Variants in ITPR2 observed in about 807,000 individuals in gnomAD.
ITPR2 encodes inositol 1,4,5-trisphosphate receptor type 2, also known as inositol 1,4,5-trisphosphate-gated calcium channel ITPR2.
In ITPR2, 207 loss-of-function variants were observed where a neutral mutation model predicts 317.1. The observed-to-expected ratio is 0.65, with a 90% confidence interval of 0.58 to 0.73. ITPR2 has a LOEUF of 0.73. Among genes scored for constraint, ITPR2 ranks in the 30% least tolerant of loss-of-function variants. ITPR2 has a pLI of 0.00. For missense variants in ITPR2, 2,613 were observed against 3,284.0 expected (o/e 0.80, Z 4.99); for synonymous variants, 1,156 against 1,149.1 (o/e 1.01, Z -0.12).
intron 37 of ITPR2, among the ~76,000 whole-genome samples, chr12:26,509,958 TTG>T (rs56063133): frequency 0.15 from 7,752 of 53,292 alleles, 510 homozygotes; most frequent in East Asian, 0.4. Context: ...GATAAGGGTT[TTG>T]TGTGTGTGTG....
intron 37 of ITPR2, among the ~76,000 whole-genome samples, chr12:26,536,698 G>A (rs1944102339): frequency 6.6e-6 from 1 of 152,188 alleles, no homozygotes; most frequent in South Asian, 2.1e-4. Context: ...AGATACACCA[G>A]GCCAGTGTTG....
chr12:26,538,224 A>G (rs1944154764), intron 37 of ITPR2, among the ~76,000 whole-genome samples: 1 of 152,216 alleles, frequency 6.6e-6, no homozygotes, highest in African/African-American at 2.4e-5. Flanking sequence ...CAGGTCTTCA[A>G]TGTGTTATGA....
chr12:26,482,983 G>A (rs1277160980), intron 42 of ITPR2, among the ~76,000 whole-genome samples: 1 of 152,156 alleles, frequency 6.6e-6, no homozygotes, highest in African/African-American at 2.4e-5. Flanking sequence ...GCTCCATGAT[G>A]CCTGAGAGGA....
chr12:26,628,130 G>C lies in ITPR2; in HGVS notation c.2967C>G (p.Ile989Met). 1 of 1,606,928 alleles carries C rather than the reference G, an allele frequency of 6.2e-7. No individual in the cohort carries two copies. Among genetic ancestry groups the C allele is most frequent in the Non-Finnish European group, 8.5e-7 (1 of 1,174,718 alleles). Residue 989 changes from isoleucine to methionine, a missense_variant, in exon 23 of 57, where the codon ATC (isoleucine) becomes ATG (methionine). Ile to Met is a conservative substitution (Grantham distance 10). Transcript: ENST00000381340. ...FILSVRLDYR[I>M]SYMLSIYKKE... is the part of the protein sequence containing the mutation. Reference sequence around the variant, plus strand: ...TCTTATATATTGACAGCATATATGAGATCCTATAATCCAGTCTGACACTCA... The same window carrying C: ...TCTTATATATTGACAGCATATATGACATCCTATAATCCAGTCTGACACTCA...
rs1327620931 is a variant in ITPR2 at position 26,725,752 on chromosome 12, C to T, written c.177G>A (p.Lys59=). The T allele has an allele frequency of 6.2e-7, 1 of 1,611,708 alleles. No individual in the cohort carries two copies. ...CAGAATATCTGTTCATAGGGCACAC[C>T]TTGAAAAGGCAGTCTGTGACAAACC... ...PPKKFRDCLF[K]VCPMNRYSAQ... The change falls in exon 3 of 57, where the codon AAG becomes AAA. Residue 59 remains lysine, a synonymous_variant. Transcript: ENST00000381340.
At position 26,442,044 on chromosome 12, in the gene ITPR2, C is replaced by T. The variant is rs1941498985; in HGVS notation, c.6450+1499G>A. Among the ~76,000 whole-genome samples, 3 of 152,030 alleles carry T rather than the reference C, an allele frequency of 2.0e-5. No homozygotes were observed. The South Asian group carries it at 6.2e-4, about 32-fold the overall frequency. Reference sequence around the variant, plus strand: ...TCACTTTTGCCATTATAATATCTTCCTATCTGTTCTATGTGTTTTCTATCC... The same window carrying T: ...TCACTTTTGCCATTATAATATCTTCTTATCTGTTCTATGTGTTTTCTATCC... On this transcript the variant is annotated intron_variant, in intron 46 of 56. Coordinates refer to ENST00000381340, the MANE Select transcript of ITPR2 (RefSeq NM_002223.4).
At chr12:26,782,061 G>GC (rs1950105270) in intron 2 of ITPR2, among the ~76,000 whole-genome samples, 1 of 141,408 alleles carries the variant, frequency 7.1e-6, no homozygotes, top group African/African-American at 2.7e-5. Flanking sequence ...GAGAGAGAGA[G>GC]AGAGAGAGAG....
intron 20 of ITPR2, among the ~76,000 whole-genome samples, chr12:26,655,397 G>A (rs1177777300): frequency 6.6e-6 from 1 of 152,044 alleles, no homozygotes. Context: ...GGTGGATCAC[G>A]AGGTCAGGAC....
chr12:26,473,450 C>T (rs764779460), intron 45 of ITPR2, among the ~76,000 whole-genome samples: 1 of 152,174 alleles, frequency 6.6e-6, no homozygotes, highest in Non-Finnish European at 1.5e-5. Context: ...CATGCAGCTG[C>T]TCACTCGTGC....
chr12:26,506,503 G>A (rs1434186426), intron 37 of ITPR2, among the ~76,000 whole-genome samples: 6 of 139,822 alleles, frequency 4.3e-5, no homozygotes, highest in Non-Finnish European at 7.7e-5. Flanking sequence ...TCCAGCCTGG[G>A]AGTAGGAATC....
At chr12:26,357,660 T>C (rs1305252986) in intron 55 of ITPR2, among the ~76,000 whole-genome samples, 1 of 152,216 alleles carries the variant, frequency 6.6e-6, no homozygotes, top group African/African-American at 2.4e-5. Flanking sequence ...GCATCGGACA[T>C]AGGGCAGTAT....
chr12:26,653,588 A>G (rs997123732), intron 21 of ITPR2, among the ~76,000 whole-genome samples: 1 of 152,132 alleles, frequency 6.6e-6, no homozygotes, highest in Non-Finnish European at 1.5e-5. Context: ...CTTCAAATCT[A>G]TTCTCTCTTT....
chr12:26,469,480 A>C (rs965719451), intron 45 of ITPR2, among the ~76,000 whole-genome samples: 7 of 151,898 alleles, frequency 4.6e-5, no homozygotes, highest in Admixed American at 3.3e-4. Context: ...ACTTAGATCT[A>C]GTCTAAATTG....
At chr12:26,340,976 GGTGT>G (rs1445975863) in intron 55 of ITPR2, among the ~76,000 whole-genome samples, 1 of 152,040 alleles carries the variant, frequency 6.6e-6, no homozygotes, top group Non-Finnish European at 1.5e-5. Context: ...AGGCAGCCTG[GGTGT>G]ATGTAGGTGT....
chr12:26,440,398 A>G (rs1213012638), intron 46 of ITPR2, among the ~76,000 whole-genome samples: 15 of 152,208 alleles, frequency 9.9e-5, no homozygotes, highest in Admixed American at 9.2e-4. Flanking sequence ...CAGCATGATA[A>G]GGAACCTAGT....
At chr12:26,516,250 AGGAAAGGAAAGGAAAGGAAAGGAAG>A (rs1565574409) in intron 37 of ITPR2, among the ~76,000 whole-genome samples, 46 of 34,644 alleles carry the variant, frequency 1.3e-3, no homozygotes, top group South Asian at 7.5e-3. Flanking sequence ...AGGAAAGGAA[AGGAAAGGAAAGGAAAGGAAAGGAAG>A]GGAAGGGAAG....
At chr12:26,628,451 G>A (rs1565651202) in intron 22 of ITPR2, among the ~76,000 whole-genome samples, 1 of 152,232 alleles carries the variant, frequency 6.6e-6, no homozygotes, top group Non-Finnish European at 1.5e-5. Context: ...TGGATGAAGA[G>A]GTAATGATGA....
At chr12:26,508,216 T>C (rs992675446) in intron 37 of ITPR2, among the ~76,000 whole-genome samples, 1 of 152,228 alleles carries the variant, frequency 6.6e-6, no homozygotes, top group African/African-American at 2.4e-5. Flanking sequence ...TACATAAAAT[T>C]ATGGTATGCC....
intron 10 of ITPR2, among the ~76,000 whole-genome samples, chr12:26,691,325 GA>G (rs1672225676): frequency 6.6e-6 from 1 of 151,906 alleles, no homozygotes; most frequent in African/African-American, 2.4e-5. Flanking sequence ...ATTTTTTTAA[GA>G]AAAAAGACAC....
Sources: allele counts gnomAD v4.1 joint callset (sites outside exome capture counted in the v4.1 genomes callset), GRCh38; gene constraint gnomAD v4.1.1; transcripts MANE v1.5; gene names NCBI Gene and HGNC (gene_info 2026-07-23, HGNC 2026-07-21).